The following PCDH9 variants were observed in gnomAD, a reference collection of about 807,000 sequenced individuals.
The protein encoded by PCDH9 is protocadherin-9.
Under a neutral mutation model 70.6 loss-of-function variants are expected in PCDH9, and 24 were observed. That is an observed-to-expected ratio of 0.34 (90% CI 0.25 to 0.48). The LOEUF (loss-of-function observed/expected upper bound fraction) is 0.48, where lower values mean the gene tolerates loss of function less well. Among genes scored for constraint, PCDH9 ranks in the 20% least tolerant of loss-of-function variants. PCDH9 has a pLI of 0.99. For synonymous variants in PCDH9, 562 were observed against 558.5 expected (o/e 1.01, Z -0.09); for missense variants, 1,281 against 1,503.6 (o/e 0.85, Z 2.45).
intron 4 of PCDH9, among the ~76,000 whole-genome samples, chr13:66,396,607 A>C (rs981771862): frequency 2.6e-5 from 4 of 152,240 alleles, no homozygotes; most frequent in African/African-American, 9.6e-5. Context: ...ATAGACAAAC[A>C]ACTAAATATC....
chr13:66,540,714 A>G (rs959103193), intron 4 of PCDH9, among the ~76,000 whole-genome samples: 36 of 152,318 alleles, frequency 2.4e-4, no homozygotes, highest in African/African-American at 7.5e-4. Flanking sequence ...GCAGATTTTA[A>G]CTGCATTATG....
chr13:66,770,819 C>T (rs1186106262), intron 3 of PCDH9, among the ~76,000 whole-genome samples: 1 of 152,122 alleles, frequency 6.6e-6, no homozygotes, highest in Admixed American at 6.5e-5. Context: ...CTCTTCAAGA[C>T]TATTCTGAAC....
intron 2 of PCDH9, among the ~76,000 whole-genome samples, chr13:66,929,199 A>C (rs2082764954): frequency 6.6e-6 from 1 of 152,018 alleles, no homozygotes; most frequent in African/African-American, 2.4e-5. Context: ...ATTAACACAG[A>C]ATAAATTTTT....
At chr13:66,554,425 A>T (rs9571596) in intron 4 of PCDH9, among the ~76,000 whole-genome samples, 1 of 151,910 alleles carries the variant, frequency 6.6e-6, no homozygotes, top group South Asian at 2.1e-4. Flanking sequence ...AGGCTATTAC[A>T]TATTTCTAAT....
intron 4 of PCDH9, among the ~76,000 whole-genome samples, chr13:66,432,876 C>CT (rs1328606313): frequency 6.6e-6 from 1 of 152,000 alleles, no homozygotes; most frequent in South Asian, 2.1e-4. Context: ...TATGAGTTCA[C>CT]ATGGCTTCCC....
At chr13:66,500,556 C>T (rs943827405) in intron 4 of PCDH9, among the ~76,000 whole-genome samples, 1 of 151,680 alleles carries the variant, frequency 6.6e-6, no homozygotes, top group African/African-American at 2.4e-5. Context: ...AGTAGGGTTA[C>T]TGGTTGGTAA....
At chr13:67,111,976 C>T (rs528854741) in intron 2 of PCDH9, among the ~76,000 whole-genome samples, 5 of 152,286 alleles carry the variant, frequency 3.3e-5, no homozygotes, top group South Asian at 4.1e-4. Flanking sequence ...TTAGTTATGT[C>T]ATGTCACAGT....
At chr13:66,461,673 T>G (rs1958428153) in intron 4 of PCDH9, among the ~76,000 whole-genome samples, 1 of 151,846 alleles carries the variant, frequency 6.6e-6, no homozygotes, top group East Asian at 1.9e-4. Context: ...CATTGTTTTA[T>G]GTATATGTAT....
At chr13:66,630,903 TG>T (rs1227765199) in intron 4 of PCDH9, 1 of 229,824 alleles carries the variant, frequency 4.4e-6, no homozygotes, top group African/African-American at 2.3e-5. Flanking sequence ...AGTTCTAAAA[TG>T]TGTTCAAATT....
intron 2 of PCDH9, among the ~76,000 whole-genome samples, chr13:67,143,783 GC>G (rs1308252367): frequency 6.6e-6 from 1 of 152,082 alleles, no homozygotes; most frequent in Admixed American, 6.6e-5. Flanking sequence ...CATACATATA[GC>G]CTCCTCATGA....
chr13:66,565,230 T>C (rs2076636265), intron 4 of PCDH9, among the ~76,000 whole-genome samples: 1 of 152,168 alleles, frequency 6.6e-6, no homozygotes. Flanking sequence ...TCAGTAGACT[T>C]TGAAACTCCA....
At chr13:66,512,934 T>G (rs1013184445) in intron 4 of PCDH9, among the ~76,000 whole-genome samples, 16 of 152,022 alleles carry the variant, frequency 1.1e-4, no homozygotes, top group African/African-American at 3.6e-4. Flanking sequence ...GCTCAAGTGA[T>G]CCTCCCAACT....
chr13:66,985,400 G>C (rs1331232687), intron 2 of PCDH9: 1 of 151,982 alleles, frequency 6.6e-6, no homozygotes, highest in East Asian at 1.9e-4. Flanking sequence ...TATTTAAATT[G>C]TTTCCATAAT....
At chr13:66,687,821 C>T (rs1410659969) in intron 3 of PCDH9, among the ~76,000 whole-genome samples, 1 of 152,086 alleles carries the variant, frequency 6.6e-6, no homozygotes, top group East Asian at 1.9e-4. Flanking sequence ...TTGTAACTTT[C>T]ATTTTGTACT....
intron 4 of PCDH9, among the ~76,000 whole-genome samples, chr13:66,539,130 G>T (rs115632280): frequency 1.6e-4 from 25 of 152,038 alleles, no homozygotes; most frequent in African/African-American, 6.0e-4. Context: ...GCTCATAGAA[G>T]ATTTTAGAAT....
At chr13:66,484,693 C>T (rs773307180) in intron 4 of PCDH9, among the ~76,000 whole-genome samples, 33 of 152,114 alleles carry the variant, frequency 2.2e-4, no homozygotes, top group Non-Finnish European at 3.4e-4. Flanking sequence ...GTAGGTATAA[C>T]GAGAGAGCAC....
At chr13:66,656,357 T>C (rs1272571238) in intron 3 of PCDH9, among the ~76,000 whole-genome samples, 3 of 152,164 alleles carry the variant, frequency 2.0e-5, no homozygotes. Flanking sequence ...ATTTCCATAT[T>C]CAGTAGAGTT....
intron 2 of PCDH9, among the ~76,000 whole-genome samples, chr13:67,109,709 T>C (rs1307521394): frequency 1.3e-5 from 2 of 152,190 alleles, no homozygotes; most frequent in East Asian, 1.9e-4. Flanking sequence ...ATTTTAGAAA[T>C]AGTAAAATAT....
At chr13:66,391,428 G>C (rs1957016160) in intron 4 of PCDH9, among the ~76,000 whole-genome samples, 1 of 152,092 alleles carries the variant, frequency 6.6e-6, no homozygotes, top group African/African-American at 2.4e-5. Flanking sequence ...ATTTTCTTCA[G>C]TGAACAGGTA....
Sources: allele counts gnomAD v4.1 joint callset (sites outside exome capture counted in the v4.1 genomes callset), GRCh38; gene constraint gnomAD v4.1.1; transcripts MANE v1.5; gene names NCBI Gene and HGNC (gene_info 2026-07-23, HGNC 2026-07-21).